CCDC150: variants seen among roughly 807,000 people sequenced by gnomAD.
CCDC150 encodes coiled-coil domain containing 150.
In CCDC150, 151 loss-of-function variants were observed where a neutral mutation model predicts 156.5. That is an observed-to-expected ratio of 0.97 (90% CI 0.85 to 1.10). CCDC150 has a LOEUF of 1.10. CCDC150 is among the 50% of genes least tolerant of loss of function. The probability of loss-of-function intolerance (pLI) is 0.00; values close to 1 mark genes in which losing one functional copy is unlikely to be tolerated. For synonymous variants in CCDC150, 452 were observed against 429.4 expected, an observed-to-expected ratio of 1.05 and a Z score of -0.65; for missense variants, 1,312 against 1,268.1, an observed-to-expected ratio of 1.03 and a Z score of -0.53.
Position 196,676,175 on chromosome 2 carries a change from A to C in CCDC150, c.1170A>C (p.Gln390His). 6.2e-7 allele frequency: 1 copy of C among 1,613,736 alleles called. No individual in the cohort carries two copies. The highest frequency in any genetic ancestry group is 1.1e-5 in the South Asian group (1 of 91,066). ...VEQKMMTQTF[Q>H]EQNLLLDAAH... The stretch of plus-strand genomic sequence containing the variant: ...AGAAAATGATGACGCAGACATTTCA[A>C]GAACAAAACTTATTGCTGGATGCAG... The change falls in exon 11 of 28, where the codon CAA becomes CAC. Residue 390 changes from glutamine (Q) to histidine (H), a missense_variant. Coordinates refer to ENST00000389175, the MANE Select transcript of CCDC150 (RefSeq NM_001080539.2).
chr2:196,677,977 A>G (rs1694611548), intron 13 of CCDC150, among the ~76,000 whole-genome samples: 1 of 152,104 alleles, frequency 6.6e-6, no homozygotes, highest in Non-Finnish European at 1.5e-5. Flanking sequence ...GCGACAGAGC[A>G]AGACTCCCTG....
chr2:196,682,327 T>C (rs1198670929), intron 13 of CCDC150, among the ~76,000 whole-genome samples: 1 of 152,112 alleles, frequency 6.6e-6, no homozygotes, highest in East Asian at 1.9e-4. Flanking sequence ...ATGTCTGTCG[T>C]TATGCTAATA....
Position 196,639,791 on chromosome 2 carries a change from G to A in CCDC150, c.12+13G>A. ...GATGGACTGTAAGGTGAGGCTGCCG[G>A]GCCCCGGGCTGGTGAGGGGTGGTCG... On this transcript the variant is annotated intron_variant, in intron 1 of 27. Coordinates refer to ENST00000389175, the MANE Select transcript of CCDC150 (RefSeq NM_001080539.2). 2 of 1,576,644 alleles carry A rather than the reference G, an allele frequency of 1.3e-6. No homozygotes were observed. Among genetic ancestry groups the A allele is most frequent in the South Asian group, 2.3e-5 (2 of 85,554 alleles).
chr2:196,653,440 A>T (rs914273435), intron 2 of CCDC150, among the ~76,000 whole-genome samples: 6 of 152,186 alleles, frequency 3.9e-5, no homozygotes, highest in Non-Finnish European at 2.9e-5. Flanking sequence ...ATTTCCACAG[A>T]TCCTTAAGGG....
intron 15 of CCDC150, among the ~76,000 whole-genome samples, chr2:196,705,466 G>T (rs1053350454): frequency 2.6e-4 from 39 of 152,180 alleles, no homozygotes; most frequent in African/African-American, 8.9e-4. Flanking sequence ...CAGATGGGTA[G>T]ATTGCAAAAA....
intron 13 of CCDC150, among the ~76,000 whole-genome samples, chr2:196,693,374 A>G (rs1575855552): frequency 6.6e-6 from 1 of 152,174 alleles, no homozygotes; most frequent in East Asian, 1.9e-4. Flanking sequence ...TATCTTAGAC[A>G]TATTTTGTTA....
chr2:196,721,670 G>C lies in CCDC150; in HGVS notation c.2408G>C (p.Arg803Pro), dbSNP rs1559276702. 11 of 1,598,356 alleles carry C rather than the reference G, an allele frequency of 6.9e-6. No individual in the cohort carries two copies. The East Asian group carries it at 2.2e-4, about 33-fold the overall frequency. ...CAATTGGAAAGCAAAGAACTTGAGC[G>C]ACAGAATTTGGAAACCTTCAAGTAA... is the stretch of plus-strand genomic sequence containing the variant. ...QEQLESKELE[R>P]QNLETFKDRM... Residue 803 changes from arginine (R) to proline (P), a missense_variant, in exon 21 of 28, where the codon CGA (arginine) becomes CCA (proline). By Grantham distance (103) the Arg-to-Pro change is moderately radical (BLOSUM62 -2). Coordinates refer to ENST00000389175, the MANE Select transcript of CCDC150 (RefSeq NM_001080539.2).
chr2:196,712,684 C>T lies in CCDC150; in HGVS notation c.1811C>T (p.Ser604Leu), dbSNP rs368379139. 6.2e-7 allele frequency: 1 copy of T among 1,609,542 alleles called. No homozygotes were observed. The highest frequency in any genetic ancestry group is 8.5e-7 in the Non-Finnish European group (1 of 1,177,762). The part of the protein sequence containing the change: ...YLQTKYAQAN[S>L]ELSAKRVHLQ... Reference sequence around the variant, plus strand: ...TTGTTTTTTGAATTAAAGGCAAACTCAGAACTCAGTGCCAAGAGGGTACAC... The same window carrying T: ...TTGTTTTTTGAATTAAAGGCAAACTTAGAACTCAGTGCCAAGAGGGTACAC... Residue 604 changes from serine (S) to leucine (L), a missense_variant, in exon 17 of 28, where the codon TCA becomes TTA. Physicochemically the swap from Ser to Leu is moderately radical, Grantham distance 145 (BLOSUM62 -2). Coordinates refer to ENST00000389175, the MANE Select transcript of CCDC150 (RefSeq NM_001080539.2).
intron 26 of CCDC150, 144 bp downstream of exon 26, chr2:196,731,089 CTCTATTGTAG>C: frequency 1.7e-6 from 1 of 588,154 alleles, no homozygotes. Flanking sequence ...TAAGTGTAGT[CTCTATTGTAG>C]AGAAGAAGTG....
At chr2:196,700,974 G>T in intron 14 of CCDC150, 135 bp from the exon 15 acceptor site, 1 of 617,614 alleles carries the variant, frequency 1.6e-6, no homozygotes. Flanking sequence ...AAGACTAAAA[G>T]CAGCAGTAGC....
At chr2:196,659,308 G>A (rs1440542890) in intron 5 of CCDC150, among the ~76,000 whole-genome samples, 1 of 152,122 alleles carries the variant, frequency 6.6e-6, no homozygotes, top group East Asian at 1.9e-4. Flanking sequence ...AAAGCTGTTG[G>A]ACTAAAAATT....
In CCDC150 at chr2:196,695,034, G is replaced by C; in HGVS notation, c.1510-12G>C. On this transcript the variant is annotated splice_polypyrimidine_tract_variant and intron_variant, in intron 13 of 27. Transcript: ENST00000389175. ...CGTAAATAGTTTCTTTTTTACTTTT[G>C]TTTCTTTAAAGGTAGACATAAATAC... The C allele has an allele frequency of 1.4e-6, 2 of 1,420,126 alleles. No homozygotes were observed. Among genetic ancestry groups the C allele is most frequent in the Admixed American group, 2.1e-5 (1 of 47,992 alleles). The allele number at this position is 1,420,126 out of a possible 1,614,324, so 88.0% of individuals were successfully genotyped here. A position where few individuals can be genotyped will look rare whatever the true frequency, so the allele number is the denominator to read the frequency against.
intron 13 of CCDC150, among the ~76,000 whole-genome samples, chr2:196,689,555 T>A (rs1024409495): frequency 6.6e-6 from 1 of 152,122 alleles, no homozygotes; most frequent in Admixed American, 6.6e-5. Flanking sequence ...TTGTCTGTTA[T>A]TGGTGTATAA....
chr2:196,655,113 A>G (rs1693112084), intron 2 of CCDC150, among the ~76,000 whole-genome samples: 1 of 152,216 alleles, frequency 6.6e-6, no homozygotes, highest in Non-Finnish European at 1.5e-5. Context: ...TTTATCCCTT[A>G]CTGCGCTAAA....
At chr2:196,647,115 A>C (rs984907814) in intron 2 of CCDC150, among the ~76,000 whole-genome samples, 3 of 152,128 alleles carry the variant, frequency 2.0e-5, no homozygotes, top group Admixed American at 1.3e-4. Flanking sequence ...TCTCTCAGGA[A>C]AGATATCAAA....
At chr2:196,662,822 G>A (rs1474893715) in intron 5 of CCDC150, among the ~76,000 whole-genome samples, 2 of 152,186 alleles carry the variant, frequency 1.3e-5, no homozygotes, top group Non-Finnish European at 2.9e-5. Context: ...TGTGGTCCCA[G>A]CTACTTAGGA....
intron 1 of CCDC150, among the ~76,000 whole-genome samples, chr2:196,645,651 C>A (rs1293849422): frequency 6.6e-6 from 1 of 152,200 alleles, no homozygotes; most frequent in African/African-American, 2.4e-5. Context: ...AGTATTCTCA[C>A]TATTCTTATT....
intron 1 of CCDC150, among the ~76,000 whole-genome samples, chr2:196,640,175 G>C (rs538872049): frequency 6.6e-6 from 1 of 152,298 alleles, no homozygotes; most frequent in Admixed American, 6.5e-5. Flanking sequence ...ATTTGCACTT[G>C]TTCTTTACGG....
chr2:196,688,270 C>G (rs1213736807), intron 13 of CCDC150, among the ~76,000 whole-genome samples: 3 of 152,084 alleles, frequency 2.0e-5, no homozygotes, highest in Non-Finnish European at 4.4e-5. Context: ...TGTCATCTCT[C>G]ATTTCTTTGA....
Sources: allele counts gnomAD v4.1 joint callset (sites outside exome capture counted in the v4.1 genomes callset), GRCh38; gene constraint gnomAD v4.1.1; transcripts MANE v1.5; gene names NCBI Gene and HGNC (gene_info 2026-07-23, HGNC 2026-07-21).